Variants in MKLN1 observed in about 807,000 individuals in gnomAD.
MKLN1 encodes muskelin.
MKLN1 carries 18 observed loss-of-function variants against 99.0 expected under a neutral mutation model. That is an observed-to-expected ratio of 0.18 (90% confidence interval 0.13 to 0.27). The LOEUF (loss-of-function observed/expected upper bound fraction) is 0.27. Ranked by LOEUF, MKLN1 falls within the 10% of genes least tolerant of loss-of-function variation. The pLI is 1.00. For missense variants in MKLN1, 621 were observed against 875.9 expected (o/e 0.71, Z 3.67); for synonymous variants, 288 against 293.2 (o/e 0.98, Z 0.18).
chr7:131,233,439 G>T (rs1214447862), intron 3 of MKLN1, among the ~76,000 whole-genome samples: 1 of 151,304 alleles, frequency 6.6e-6, no homozygotes, highest in Non-Finnish European at 1.5e-5. Flanking sequence ...TCATGACAGG[G>T]TTATAACATA....
intron 2 of MKLN1, among the ~76,000 whole-genome samples, chr7:131,160,978 G>A (rs1030577928): frequency 2.6e-5 from 4 of 152,074 alleles, no homozygotes; most frequent in African/African-American, 7.2e-5. Context: ...CCTTCTTGGG[G>A]TTTCATAAGT....
chr7:131,176,293 T>C (rs1796298259), intron 2 of MKLN1, among the ~76,000 whole-genome samples: 1 of 152,158 alleles, frequency 6.6e-6, no homozygotes, highest in Non-Finnish European at 1.5e-5. Flanking sequence ...ATTTTTAAGT[T>C]TTTCATGTGC....
chr7:131,493,366 G>A lies in MKLN1; in HGVS notation c.*5638G>A, dbSNP rs1477237862. On this transcript the variant is annotated 3_prime_UTR_variant, in exon 18 of 18. Transcript: ENST00000352689. ...GTATGTTAGAGAAGGAAAAATAGGAGCTTTTTGCTTATGGATTTTAGAGGT... is the reference window on the plus strand; with the variant it reads ...GTATGTTAGAGAAGGAAAAATAGGAACTTTTTGCTTATGGATTTTAGAGGT... 6.6e-6 allele frequency: 1 copy of A among 152,098 alleles called. No individual in the cohort carries two copies. The highest frequency in any genetic ancestry group is 1.5e-5 in the Non-Finnish European group (1 of 68,026). 9.4% of individuals were successfully genotyped at this position (152,098 alleles called of 1,614,324 possible).
intron 3 of MKLN1, among the ~76,000 whole-genome samples, chr7:131,322,457 C>T (rs1054933248): frequency 6.6e-6 from 1 of 151,998 alleles, no homozygotes; most frequent in African/African-American, 2.4e-5. Context: ...GCTGGGGAGG[C>T]CTCAGGAAAC....
rs1563294400 is a variant in MKLN1 at position 131,328,130 on chromosome 7, G to C, written c.98+133G>C. 3 of 1,122,648 alleles carry C rather than the reference G, an allele frequency of 2.7e-6. No homozygotes were observed. The East Asian group carries it at 7.8e-5, about 29-fold the overall frequency. The allele number at this position is 1,122,648 out of a possible 1,614,324, so 69.5% of individuals were successfully genotyped here. On this transcript the variant is annotated intron_variant, in intron 1 of 17. Transcript: ENST00000352689. ...CTGAGGGGGACGTGCGGCCTCCGGA[G>C]TCTTAGTTCAGCTGCTGAGAGCGTT...
intron 12 of MKLN1, among the ~76,000 whole-genome samples, chr7:131,452,879 G>A (rs1477458381): frequency 1.3e-5 from 2 of 152,152 alleles, no homozygotes; most frequent in Admixed American, 6.5e-5. Context: ...AATTAAATGA[G>A]TAAAGCCAAA....
intron 1 of MKLN1, among the ~76,000 whole-genome samples, chr7:131,132,940 AAAAAAAAAAAGAAAGAAAGAAAG>A (rs1795576691): frequency 2.3e-5 from 3 of 133,038 alleles, no homozygotes; most frequent in Admixed American, 7.8e-5. Context: ...AAAAAAAAAA[AAAAAAAAAAAGAAAGAAAGAAAG>A]AAAGAAAGAA....
At chr7:131,461,464 T>C in intron 12 of MKLN1, among the ~76,000 whole-genome samples, 1 of 152,096 alleles carries the variant, frequency 6.6e-6, no homozygotes, top group South Asian at 2.1e-4. Flanking sequence ...GGTGTGTGTG[T>C]GTGTGTATAA....
chr7:131,222,899 A>T (rs1223848905), intron 3 of MKLN1, among the ~76,000 whole-genome samples: 4 of 151,434 alleles, frequency 2.6e-5, no homozygotes, highest in African/African-American at 9.7e-5. Context: ...AAAACTAGCC[A>T]TGCATGGTGG....
chr7:131,150,053 G>A lies in MKLN1; in HGVS notation c.-297+7112G>A, dbSNP rs147691547. Among the ~76,000 whole-genome samples the A allele has an allele frequency of 6.4e-4, 98 of 152,164 alleles. 1 individual carries two copies. The East Asian group carries it at 0.013, about 20-fold the overall frequency. ...AGCATGCTCCACCTCAGCTGGCCCC[G>A]TCTTTGCTCTGATAGTTGCCTTGTA... On this transcript the variant is annotated intron_variant, in intron 2 of 7. Coordinates refer to the MKLN1 transcript ENST00000416992.
At chr7:131,464,727 T>C (rs186715471) in intron 14 of MKLN1, among the ~76,000 whole-genome samples, 1 of 152,356 alleles carries the variant, frequency 6.6e-6, no homozygotes, top group East Asian at 1.9e-4. Context: ...TATGTACAGT[T>C]GTCAGCATTT....
intron 3 of MKLN1, among the ~76,000 whole-genome samples, chr7:131,305,741 G>A (rs1260097819): frequency 6.6e-6 from 1 of 152,170 alleles, no homozygotes; most frequent in African/African-American, 2.4e-5. Context: ...GTATGAAGTA[G>A]GGCGCTTGTA....
chr7:131,234,850 T>C (rs1007069860), intron 3 of MKLN1, among the ~76,000 whole-genome samples: 2 of 152,218 alleles, frequency 1.3e-5, no homozygotes, highest in Non-Finnish European at 2.9e-5. Context: ...CAACTTTCTC[T>C]GCTTGTCTTT....
chr7:131,437,856 G>T lies in MKLN1; in HGVS notation c.1032G>T (p.Gly344=). 1 of 1,613,802 alleles carries T rather than the reference G, an allele frequency of 6.2e-7. No homozygotes were observed. The highest frequency in any genetic ancestry group is 8.5e-7 in the Non-Finnish European group (1 of 1,179,854). The change falls in exon 10 of 18, where the codon GGG becomes GGT. Residue 344 remains glycine (G), a synonymous_variant. Transcript: ENST00000352689. ...DIQRRQIYTL[G]RYLDSSVRNS... ...AACGGAGGCAAATCTACACATTGGG[G>T]CGTTACTTGGATTCCTCTGTGAGGA...
At chr7:131,283,839 G>A (rs936039995) in intron 3 of MKLN1, among the ~76,000 whole-genome samples, 1 of 152,146 alleles carries the variant, frequency 6.6e-6, no homozygotes, top group Admixed American at 6.6e-5. Flanking sequence ...CAATAGGCAA[G>A]TTTTGCATGT....
chr7:131,387,326 A>G, intron 3 of MKLN1, 64 bp downstream of exon 3: 1 of 1,439,118 alleles, frequency 6.9e-7, no homozygotes, highest in Non-Finnish European at 9.4e-7. Flanking sequence ...GTCTTTTTGT[A>G]GCTAATCTGC....
At chr7:131,478,595 C>CTTTTTTT (rs3080645) in intron 16 of MKLN1, 28 bp from the exon 17 acceptor site, 19 of 1,238,434 alleles carry the variant, frequency 1.5e-5, no homozygotes, top group South Asian at 6.6e-5. Context: ...TTTGCTGCTT[C>CTTTTTTT]TTTTTTTTTT....
chr7:131,457,944 A>G (rs1796399139), intron 12 of MKLN1, among the ~76,000 whole-genome samples: 2 of 152,216 alleles, frequency 1.3e-5, no homozygotes, highest in Non-Finnish European at 2.9e-5. Context: ...AAATAATTGT[A>G]GAAATAATGG....
At chr7:131,446,267 T>C (rs1796014746) in intron 12 of MKLN1, among the ~76,000 whole-genome samples, 1 of 152,182 alleles carries the variant, frequency 6.6e-6, no homozygotes, top group South Asian at 2.1e-4. Context: ...TAGTAGGGTG[T>C]GTGTCTTAAG....
Sources: allele counts gnomAD v4.1 joint callset (sites outside exome capture counted in the v4.1 genomes callset), GRCh38; gene constraint gnomAD v4.1.1; transcripts MANE v1.5; gene names NCBI Gene and HGNC (gene_info 2026-07-23, HGNC 2026-07-21).